Variants in GNMT observed in about 807,000 individuals in gnomAD.
GNMT encodes epididymis secretory sperm binding protein Li 182mP.
A neutral mutation model predicts 30.2 loss-of-function variants in GNMT; 26 were observed. The observed-to-expected ratio is 0.86, with a 90% confidence interval of 0.63 to 1.19. The LOEUF (loss-of-function observed/expected upper bound fraction) is 1.19, where lower values mean the gene tolerates loss of function less well. GNMT is among the 50% of genes most tolerant of loss of function. GNMT has a pLI of 0.00. For synonymous variants in GNMT, 163 were observed against 163.8 expected, an observed-to-expected ratio of 1.00 and a Z score of 0.04; for missense variants, 365 against 398.1, an observed-to-expected ratio of 0.92 and a Z score of 0.71.
At chr6:42,961,084 T>A (rs1245479146) in intron 1 of GNMT, 111 bp downstream of exon 1, 3 of 926,370 alleles carry the variant, frequency 3.2e-6, no homozygotes, top group Non-Finnish European at 4.7e-6. Flanking sequence ...CCTTTGCCAA[T>A]CCTGGAACGG....
In GNMT at chr6:42,962,893, G is replaced by A. The variant is rs767298601; in HGVS notation, c.451+15G>A. On this transcript the variant is annotated intron_variant, in intron 3 of 5. Coordinates refer to ENST00000372808, the MANE Select transcript of GNMT (RefSeq NM_018960.6). ...AGACTGCAAAGGTAAGAGAGGGTGT[G>A]GCCTTGGGCATGGCCCCCGCCTTGA... 8.1e-6 allele frequency: 13 copies of A among 1,604,890 alleles called. No homozygotes were observed. The African/African-American group carries it at 1.6e-4, about 20-fold the overall frequency.
intron 2 of GNMT, among the ~76,000 whole-genome samples, 161 bp from the exon 3 acceptor site, chr6:42,962,601 C>G (rs541524958): frequency 6.6e-6 from 1 of 152,172 alleles, no homozygotes; most frequent in Non-Finnish European, 1.5e-5. Flanking sequence ...CCTTCCCAAC[C>G]AGGGTTCCTT....
Position 42,963,641 on chromosome 6 carries a change from C to A in GNMT, c.823C>A (p.Pro275Thr), listed in dbSNP as rs1431656965. Residue 275 changes from proline to threonine, a missense_variant, in exon 6 of 6, where the codon CCT (proline) becomes ACT (threonine). Coordinates refer to ENST00000372808, the MANE Select transcript of GNMT (RefSeq NM_018960.6). ...GCACAGCGTCCTGGGCGACTTCAAG[C>A]CTTACAAGCCAGGCCAAACCTACAT... ...CQHSVLGDFK[P>T]YKPGQTYIPC... The A allele has an allele frequency of 3.1e-6, 5 of 1,614,064 alleles. No individual in the cohort carries two copies. Among genetic ancestry groups the A allele is most frequent in the Non-Finnish European group, 4.2e-6 (5 of 1,180,010 alleles).
chr6:42,962,178 CCT>C, intron 1 of GNMT, 32 bp from the exon 2 acceptor site: 2 of 1,613,690 alleles, frequency 1.2e-6, no homozygotes, highest in Non-Finnish European at 1.7e-6. Flanking sequence ...CCCCTAACTG[CCT>C]CTCTCTGCCT....
chr6:42,963,424 G>A lies in GNMT; in HGVS notation c.691G>A (p.Gly231Ser), dbSNP rs1356478098. 6.2e-7 allele frequency: 1 copy of A among 1,613,962 alleles called. No individual in the cohort carries two copies. Among genetic ancestry groups the A allele is most frequent in the East Asian group, 2.2e-5 (1 of 44,884 alleles). ...LDYTVQVPGA[G>S]QDGSPGLSKF... is the part of the protein sequence containing the mutation. ...CTATACGGTGCAGGTGCCGGGGGCT[G>A]GCCAGGATGGCTCTCCTGGCTTGAG... Residue 231 changes from glycine (G) to serine (S), a missense_variant, in exon 5 of 6, where the codon GGC becomes AGC. Physicochemically the swap from Gly to Ser is moderately conservative, Grantham distance 56 (BLOSUM62 0). Transcript: ENST00000372808.
intron 2 of GNMT, 75 bp downstream of exon 2, chr6:42,962,414 T>A (rs1769451459): frequency 6.7e-7 from 1 of 1,502,122 alleles, no homozygotes; most frequent in Non-Finnish European, 9.2e-7. Context: ...CTCCTTTAAG[T>A]GGGGGCGGGG....
Position 42,963,386 on chromosome 6 carries a change from T to G in GNMT, c.653T>G (p.Met218Arg). The G allele has an allele frequency of 6.2e-7, 1 of 1,613,784 alleles. No homozygotes were observed. The highest frequency in any genetic ancestry group is 2.2e-5 in the East Asian group (1 of 44,866). ...SVLIVNNKAH[M>R]VTLDYTVQVP... ...CTGATAGTGAACAACAAGGCCCACA[T>G]GGTGACCCTGGACTATACGGTGCAG... Residue 218 changes from methionine to arginine, a missense_variant, in exon 5 of 6, where the codon ATG becomes AGG. Physicochemically the swap from Met to Arg is moderately conservative, Grantham distance 91 (BLOSUM62 -1). This residue lies in a region of GNMT where 232 missense variants were observed against 263.0 expected (regional missense o/e 0.88). Coordinates refer to ENST00000372808, the MANE Select transcript of GNMT (RefSeq NM_018960.6).
chr6:42,963,125 GCAGGGGGCCTA>G lies in GNMT; in HGVS notation c.507_517del (p.Gly171HisfsTer2), dbSNP rs778228488. 1 of 1,612,792 alleles carries G rather than the reference GCAGGGGGCCTA, an allele frequency of 6.2e-7. No homozygotes were observed. Among genetic ancestry groups the G allele is most frequent in the Non-Finnish European group, 8.5e-7 (1 of 1,179,904 alleles). On this transcript the variant is annotated frameshift_variant, in exon 4 of 6. Transcript: ENST00000372808. LOFTEE classifies it high-confidence loss of function. Reference sequence around the variant, plus strand: ...GAAAAACATTGCGAGCATGGTGCGGGCAGGGGGCCTACTGGTCATTGATCATCGCAACTACG... The same window carrying G: ...GAAAAACATTGCGAGCATGGTGCGGGCTGGTCATTGATCATCGCAACTACG...
In GNMT at chr6:42,962,237, G is replaced by C. The variant is rs753572605; in HGVS notation, c.232G>C (p.Glu78Gln). 5 of 1,614,202 alleles carry C rather than the reference G, an allele frequency of 3.1e-6. No individual in the cohort carries two copies. In the South Asian group the frequency reaches 5.5e-5, roughly 18 times the overall value. ...TGVDSIMLVE[E>Q]GFSVTSVDAS... is the part of the protein sequence containing the mutation. Reference sequence around the variant, plus strand: ...GGTGGACTCCATTATGCTGGTGGAAGAGGGCTTCAGTGTGACGAGTGTGGA... The same window carrying C: ...GGTGGACTCCATTATGCTGGTGGAACAGGGCTTCAGTGTGACGAGTGTGGA... Residue 78 changes from glutamate (E) to glutamine (Q), a missense_variant, in exon 2 of 6, where the codon GAG becomes CAG. By Grantham distance (29) the Glu-to-Gln change is conservative. This residue lies in a region of GNMT where 125 missense variants were observed against 112.0 expected (regional missense o/e 1.12). Transcript: ENST00000372808.
At position 42,962,348 on chromosome 6, in the gene GNMT, G is replaced by T. The variant is rs1561815600; in HGVS notation, c.334+9G>T. On this transcript the variant is annotated intron_variant, in intron 2 of 5. Coordinates refer to ENST00000372808, the MANE Select transcript of GNMT (RefSeq NM_018960.6). ...CGCCTTCGACAAGTGGGGTATGCAG[G>T]TCTAGCCAGGCTCCCCCAGCCCAGT... is the stretch of plus-strand genomic sequence containing the variant. The T allele has an allele frequency of 6.2e-7, 1 of 1,613,948 alleles. No individual in the cohort carries two copies. The highest frequency in any genetic ancestry group is 8.5e-7 in the Non-Finnish European group (1 of 1,179,978).
In GNMT at chr6:42,960,861, C is replaced by T; in HGVS notation, c.94C>T (p.Gln32Ter). The stretch of plus-strand genomic sequence containing the variant: ...GGACGGGGAGGCGGCGCGCGTGTGG[C>T]AGCTGTATATCGGAGACACCCGCAG... ...YADGEAARVW[Q>*]LYIGDTRSRT... The change falls in exon 1 of 6, where the codon CAG becomes TAG. Residue 32 changes from glutamine (Q) to a stop codon, truncating the protein, a stop_gained. Coordinates refer to ENST00000372808, the MANE Select transcript of GNMT (RefSeq NM_018960.6). LOFTEE classifies it high-confidence loss of function. The T allele has an allele frequency of 1.3e-6, 2 of 1,555,734 alleles. No individual in the cohort carries two copies. The highest frequency in any genetic ancestry group is 8.7e-7 in the Non-Finnish European group (1 of 1,153,300).
rs866330499 is a variant in GNMT at position 42,960,902 on chromosome 6, C to G, written c.135C>G (p.Tyr45Ter). ...IGDTRSRTAE[Y>*]KAWLLGLLRQ... is the part of the protein sequence containing the mutation. ...ACACCCGCAGCCGCACCGCCGAGTACAAGGCATGGCTGCTTGGGCTGCTGC... is the reference window on the plus strand; with the variant it reads ...ACACCCGCAGCCGCACCGCCGAGTAGAAGGCATGGCTGCTTGGGCTGCTGC... The change falls in exon 1 of 6, where the codon TAC (tyrosine) becomes TAG (stop). Residue 45 changes from tyrosine (Y) to a stop codon, truncating the protein, a stop_gained. Transcript: ENST00000372808. LOFTEE classifies it high-confidence loss of function. 6.4e-7 allele frequency: 1 copy of G among 1,560,958 alleles called. No homozygotes were observed. Among genetic ancestry groups the G allele is most frequent in the Non-Finnish European group, 8.6e-7 (1 of 1,156,854 alleles).
intron 1 of GNMT, among the ~76,000 whole-genome samples, chr6:42,961,805 G>A (rs952925693): frequency 1.3e-5 from 2 of 151,844 alleles, no homozygotes; most frequent in African/African-American, 2.4e-5. Flanking sequence ...TGCCCACCTC[G>A]GCCTCCCAAA....
In GNMT at chr6:42,960,791, C is replaced by G. The variant is rs1164975134; in HGVS notation, c.24C>G (p.Thr8=). Residue 8 remains threonine, a synonymous_variant, in exon 1 of 6, where the codon ACC becomes ACG. Transcript: ENST00000372808. MVDSVYR[T]RSLGVAAEGL... is the part of the protein sequence containing the mutation. The stretch of plus-strand genomic sequence containing the variant: ...GGATGGTGGACAGCGTGTACCGGAC[C>G]CGCTCCCTGGGGGTGGCGGCCGAAG... The G allele has an allele frequency of 6.5e-7, 1 of 1,549,788 alleles. No individual in the cohort carries two copies. Among genetic ancestry groups the G allele is most frequent in the Non-Finnish European group, 8.7e-7 (1 of 1,148,682 alleles).
rs1320676007 is a variant in GNMT, at chr6:42,960,889, G to A, written c.122G>A (p.Arg41His). 1.3e-6 allele frequency: 2 copies of A among 1,554,630 alleles called. No individual in the cohort carries two copies. Among genetic ancestry groups the A allele is most frequent in the Non-Finnish European group, 1.7e-6 (2 of 1,153,516 alleles). Residue 41 changes from arginine (R) to histidine (H), a missense_variant, in exon 1 of 6, where the codon CGC (arginine) becomes CAC (histidine). This residue lies in a region of GNMT where 125 missense variants were observed against 112.0 expected (regional missense o/e 1.12). Coordinates refer to ENST00000372808, the MANE Select transcript of GNMT (RefSeq NM_018960.6). ...WQLYIGDTRSRTAEYKAWLLG... is the reference protein window; with the variant it reads ...WQLYIGDTRSHTAEYKAWLLG... ...CTGTATATCGGAGACACCCGCAGCC[G>A]CACCGCCGAGTACAAGGCATGGCTG...
Position 42,962,805 on chromosome 6 carries a change from CCA to C in GNMT, c.379_380del (p.Gln127ValfsTer7). 6.2e-7 allele frequency: 1 copy of C among 1,614,092 alleles called. No individual in the cohort carries two copies. ...NWMTLDKDVP[Q>X]SAEGGFDAVI... ...GGATGACTCTGGACAAAGATGTGCCCCAGTCAGCAGAGGGTGGCTTTGATGCT... is the reference window on the plus strand; with the variant it reads ...GGATGACTCTGGACAAAGATGTGCCCGTCAGCAGAGGGTGGCTTTGATGCT... On this transcript the variant is annotated frameshift_variant, in exon 3 of 6. Transcript: ENST00000372808. LOFTEE classifies it high-confidence loss of function.
Position 42,962,213 on chromosome 6 carries a change from G to T in GNMT, c.208G>T (p.Val70Leu), listed in dbSNP as rs201470823. The T allele has an allele frequency of 2.5e-6, 4 of 1,614,138 alleles. No homozygotes were observed. In the Admixed American group the frequency reaches 6.7e-5, roughly 27 times the overall value. ...CCTCTCCTCGCTGGCCGTACTCAGG[G>T]TGGACTCCATTATGCTGGTGGAAGA... is the stretch of plus-strand genomic sequence containing the variant. The part of the protein sequence containing the change: ...RVLDVACGTG[V>L]DSIMLVEEGF... The change falls in exon 2 of 6, where the codon GTG becomes TTG. Residue 70 changes from valine (V) to leucine (L), a missense_variant and splice_region_variant. By Grantham distance (32) the Val-to-Leu change is conservative. Around this residue, in one of 3 missense-constraint regions of GNMT, gnomAD observed 125 missense variants for 112.0 expected, o/e 1.12. Transcript: ENST00000372808.
At position 42,963,796 on chromosome 6, in the gene GNMT, C is replaced by G; in HGVS notation, c.*90C>G. 1 of 1,259,278 alleles carries G rather than the reference C, an allele frequency of 7.9e-7. No individual in the cohort carries two copies. The highest frequency in any genetic ancestry group is 1.2e-5 in the South Asian group (1 of 81,732). 78.0% of individuals were successfully genotyped at this position (1,259,278 alleles called of 1,614,324 possible). On this transcript the variant is annotated 3_prime_UTR_variant, in exon 6 of 6. Coordinates refer to ENST00000372808, the MANE Select transcript of GNMT (RefSeq NM_018960.6). ...CCAGCAGCCCCACACCAGGGCCAGC[C>G]TCTAGAGCAGACTACAGCTGGGGTG...
rs566280913 is a variant in GNMT, at chr6:42,961,699, G to A, written c.207-513G>A. On this transcript the variant is annotated intron_variant, in intron 1 of 5. Coordinates refer to ENST00000372808, the MANE Select transcript of GNMT (RefSeq NM_018960.6). ...CTCCCGAGTAGCTGGGACTACAGGC[G>A]CCTGCCACCACGCCCAGCTAATATT... is the stretch of plus-strand genomic sequence containing the variant. Among the ~76,000 whole-genome samples, 50 of 152,014 alleles carry A rather than the reference G, an allele frequency of 3.3e-4. No homozygotes were observed. In the South Asian group the frequency reaches 0.01, roughly 31 times the overall value.
Sources: allele counts gnomAD v4.1 joint callset (sites outside exome capture counted in the v4.1 genomes callset), GRCh38; gene constraint gnomAD v4.1.1; regional missense constraint gnomAD v4.1.1; transcripts MANE v1.5; gene names NCBI Gene and HGNC (gene_info 2026-07-23, HGNC 2026-07-21).